Variants in HADHA observed in about 807,000 individuals in gnomAD.
HADHA encodes hydroxyacyl-CoA dehydrogenase trifunctional multienzyme complex subunit alpha, also known as trifunctional enzyme subunit alpha, mitochondrial.
HADHA carries 59 observed loss-of-function variants against 91.3 expected under a neutral mutation model. The ratio of observed to expected loss-of-function variants is 0.65; its 90% CI spans 0.52 to 0.80. The LOEUF (loss-of-function observed/expected upper bound fraction) is 0.80, where lower values mean the gene tolerates loss of function less well. Ranked by LOEUF, HADHA falls within the 30% of genes least tolerant of loss-of-function variation. The pLI is 0.00. For missense variants in HADHA, 800 were observed against 927.6 expected (o/e 0.86, Z 1.79); for synonymous variants, 320 against 338.9 (o/e 0.94, Z 0.61).
intron 11 of HADHA, among the ~76,000 whole-genome samples, chr2:26,207,658 T>C (rs1670003547): frequency 6.6e-6 from 1 of 152,218 alleles, no homozygotes; most frequent in South Asian, 2.1e-4. Context: ...TGCACGATGC[T>C]TTATAAGCCA....
Position 26,214,028 on chromosome 2 carries a change from A to G in HADHA, c.918+415T>C, listed in dbSNP as rs573568908. On this transcript the variant is annotated intron_variant, in intron 9 of 19. Transcript: ENST00000380649. This position sits in a 1 kb window ranked among gnomAD's most constrained non-coding sequence, Gnocchi z 4.1. ...TTCTCTACATCATTACATCTTTTTT[A>G]TAATTACAGCAATGAAGAAGTCCTT... 7.2e-5 allele frequency among the ~76,000 whole-genome samples: 11 copies of G among 152,308 alleles called. No individual in the cohort carries two copies. The South Asian group carries it at 1.2e-3, about 17-fold the overall frequency.
intron 7 of HADHA, among the ~76,000 whole-genome samples, chr2:26,227,146 TC>T (rs1385436990): frequency 1.4e-4 from 21 of 152,198 alleles, no homozygotes; most frequent in African/African-American, 4.8e-4. Context: ...AACAGATGCT[TC>T]TTTATCAAAT....
intron 7 of HADHA, among the ~76,000 whole-genome samples, chr2:26,216,208 G>A (rs1670215217): frequency 1.3e-5 from 2 of 152,090 alleles, no homozygotes; most frequent in Admixed American, 6.5e-5. Flanking sequence ...AGGTGGCTGG[G>A]GTCAAAATGG....
intron 13 of HADHA, among the ~76,000 whole-genome samples, chr2:26,199,719 ATTAT>A (rs1477782095): frequency 6.6e-6 from 1 of 152,086 alleles, no homozygotes; most frequent in African/African-American, 2.4e-5. Context: ...TATTTTTTAA[ATTAT>A]TTATCTTTTT....
intron 9 of HADHA, 62 bp from the exon 10 acceptor site, chr2:26,212,688 C>A: frequency 9.1e-7 from 1 of 1,096,434 alleles, no homozygotes; most frequent in Non-Finnish European, 1.4e-6. Flanking sequence ...TACAATAATG[C>A]TGAATAAAAT....
intron 14 of HADHA, 85 bp from the exon 15 acceptor site, chr2:26,195,317 GA>G (rs1290589663): frequency 8.7e-7 from 1 of 1,149,666 alleles, no homozygotes; most frequent in African/African-American, 1.5e-5. Context: ...GAAAACACTA[GA>G]AAGAAAGGTG....
At chr2:26,240,749 G>A (rs1003799115) in intron 1 of HADHA, among the ~76,000 whole-genome samples, 2 of 152,132 alleles carry the variant, frequency 1.3e-5, no homozygotes, top group African/African-American at 4.8e-5. Flanking sequence ...AGGATTACAG[G>A]CATGTGCCAC....
intron 6 of HADHA, 54 bp from the exon 7 acceptor site, chr2:26,230,348 T>C: frequency 9.9e-7 from 1 of 1,012,606 alleles, no homozygotes; most frequent in South Asian, 1.3e-5. Flanking sequence ...GGGTGATAAT[T>C]ATATAGTTTA....
chr2:26,205,890 C>A (rs916352161), intron 11 of HADHA, among the ~76,000 whole-genome samples: 3 of 151,878 alleles, frequency 2.0e-5, no homozygotes, highest in African/African-American at 7.3e-5. Flanking sequence ...ATACAGCAGA[C>A]AAAGGATACT....
At position 26,197,730 on chromosome 2, in the gene HADHA, T is replaced by G. The variant is rs377123628; in HGVS notation, c.1440A>C (p.Pro480=). 1.1e-5 allele frequency: 17 copies of G among 1,563,680 alleles called. No individual in the cohort carries two copies. Among genetic ancestry groups the G allele is most frequent in the Non-Finnish European group, 1.5e-5 (17 of 1,133,898 alleles). The stretch of plus-strand genomic sequence containing the variant: ...TGCTGACAGCAGCGATTTCACTGAT[T>G]GGGAGAGCAGATGTGTTACTGGCAA... ...CIFASNTSAL[P]ISEIAAVSKR... Residue 480 remains proline (P), a synonymous_variant, in exon 14 of 20, where the codon CCA becomes CCC. Coordinates refer to ENST00000380649, the MANE Select transcript of HADHA (RefSeq NM_000182.5).
chr2:26,195,647 T>C (rs922359656), intron 14 of HADHA, among the ~76,000 whole-genome samples: 6 of 152,068 alleles, frequency 3.9e-5, no homozygotes, highest in Admixed American at 3.9e-4. Flanking sequence ...GTCAGAGAAG[T>C]ATTTGCATTT....
In HADHA at chr2:26,191,560, T is replaced by C. The variant is rs1163622381; in HGVS notation, c.2069A>G (p.Gln690Arg). The change falls in exon 19 of 20, where the codon CAA (glutamine) becomes CGA (arginine). Residue 690 changes from glutamine (Q) to arginine (R), a missense_variant. Transcript: ENST00000380649. Reference sequence around the variant, plus strand: ...TGCAGGTGTGGCCAAGATCCCCTCTTGCAGGCACATGACTGCCTCATTCAC... The same window carrying C: ...TGCAGGTGTGGCCAAGATCCCCTCTCGCAGGCACATGACTGCCTCATTCAC... ...RFVNEAVMCL[Q>R]EGILATPAEG... The C allele has an allele frequency of 6.2e-7, 1 of 1,613,998 alleles. No homozygotes were observed. The highest frequency in any genetic ancestry group is 2.2e-5 in the East Asian group (1 of 44,892).
chr2:26,222,559 C>G lies in HADHA; in HGVS notation c.677-7384G>C, dbSNP rs562755318. 3.9e-5 allele frequency among the ~76,000 whole-genome samples: 6 copies of G among 152,314 alleles called. No individual in the cohort carries two copies. The East Asian group carries it at 1.2e-3, about 29-fold the overall frequency. On this transcript the variant is annotated intron_variant, in intron 7 of 19. Coordinates refer to ENST00000380649, the MANE Select transcript of HADHA (RefSeq NM_000182.5). ...CAGTCAGCATCTTTCCGCAGTCACT[C>G]TTATCACTGCTTCATGAACAGTGGC...
chr2:26,243,170 A>C (rs1264853319), intron 1 of HADHA: 3 of 152,256 alleles, frequency 2.0e-5, no homozygotes, highest in Non-Finnish European at 4.4e-5. Context: ...GCATTTGTCC[A>C]AAGTAACACA....
Position 26,214,587 on chromosome 2 carries a change from T to C in HADHA, c.800-26A>G. 8.3e-7 allele frequency: 1 copy of C among 1,202,144 alleles called. No individual in the cohort carries two copies. The highest frequency in any genetic ancestry group is 1.2e-6 in the Non-Finnish European group (1 of 804,180). 74.5% of individuals were successfully genotyped at this position (1,202,144 alleles called of 1,614,324 possible). On this transcript the variant is annotated intron_variant, in intron 8 of 19. Transcript: ENST00000380649. This position sits in a 1 kb window ranked among gnomAD's most constrained non-coding sequence, Gnocchi z 4.1. ...CTGTAAAATAAAATGCTTTTAGATA[T>C]TTACTATAAAGAGCCTAGATTCCCT...
chr2:26,223,975 G>A (rs1574620037), intron 7 of HADHA, among the ~76,000 whole-genome samples: 2 of 152,184 alleles, frequency 1.3e-5, no homozygotes, highest in African/African-American at 2.4e-5. Flanking sequence ...TCGAACTCCT[G>A]ACCTCAGGTG....
At position 26,198,869 on chromosome 2, in the gene HADHA, G is replaced by A. The variant is rs578239072; in HGVS notation, c.1393-1092C>T. ...GTTCAAGACCAACCTCGGCATCATA[G>A]TGAGACCCTATATCTACAAAACATA... On this transcript the variant is annotated intron_variant, in intron 13 of 19. Coordinates refer to ENST00000380649, the MANE Select transcript of HADHA (RefSeq NM_000182.5). Among the ~76,000 whole-genome samples, 30 of 151,728 alleles carry A rather than the reference G, an allele frequency of 2.0e-4. 1 individual carries two copies. In the South Asian group the frequency reaches 5.8e-3, roughly 29 times the overall value.
At chr2:26,205,606 A>C (rs1669952783) in intron 11 of HADHA, among the ~76,000 whole-genome samples, 1 of 152,176 alleles carries the variant, frequency 6.6e-6, no homozygotes, top group South Asian at 2.1e-4. Flanking sequence ...GGCAGATCAC[A>C]AGGTCAGGAG....
intron 9 of HADHA, among the ~76,000 whole-genome samples, chr2:26,213,285 C>T (rs186815710): frequency 1.3e-5 from 2 of 152,314 alleles, no homozygotes; most frequent in East Asian, 3.9e-4. Context: ...TTATTCAAAG[C>T]TCAAGCCTGG....
Sources: allele counts gnomAD v4.1 joint callset (sites outside exome capture counted in the v4.1 genomes callset), GRCh38; gene constraint gnomAD v4.1.1; non-coding constraint Gnocchi (gnomAD v3.1); transcripts MANE v1.5; gene names NCBI Gene and HGNC (gene_info 2026-07-23, HGNC 2026-07-21).